The following MTR variants were observed in gnomAD, a reference collection of about 807,000 sequenced individuals.
The protein encoded by MTR is 5-methyltetrahydrofolate-homocysteine methyltransferase.
In MTR, 84 loss-of-function variants were observed where a neutral mutation model predicts 154.8. The observed-to-expected ratio is 0.54, with a 90% CI of 0.45 to 0.65. The LOEUF (loss-of-function observed/expected upper bound fraction) is 0.65, where lower values mean the gene tolerates loss of function less well. Among genes scored for constraint, MTR ranks in the 30% least tolerant of loss-of-function variants. The probability of loss-of-function intolerance (pLI) is 0.00; values close to 1 mark genes in which losing one functional copy is unlikely to be tolerated. For missense variants in MTR, 1,275 were observed against 1,570.2 expected (o/e 0.81, Z 3.18); for synonymous variants, 554 against 553.9 (o/e 1.00, Z 0.00).
chr1:236,842,784 G>GTATATATATATATA (rs60138451), intron 15 of MTR, among the ~76,000 whole-genome samples: 17 of 144,492 alleles, frequency 1.2e-4, no homozygotes, highest in Middle Eastern at 3.6e-3. Flanking sequence ...AAAAAAAGAT[G>GTATATATATATATA]TATATATATA....
chr1:236,812,818 A>G lies in MTR; in HGVS notation c.583A>G (p.Thr195Ala). 4 of 1,614,118 alleles carry G rather than the reference A, an allele frequency of 2.5e-6. No homozygotes were observed. The highest frequency in any genetic ancestry group is 2.5e-6 in the Non-Finnish European group (3 of 1,179,996). ...CGGGGTTGATATCTTACTCATTGAA[A>G]CTATTTTTGATACTGCCAATGCCAA... ...DGGVDILLIETIFDTANAKAA... is the reference protein window; with the variant it reads ...DGGVDILLIEAIFDTANAKAA... Residue 195 changes from threonine (T) to alanine (A), a missense_variant, in exon 6 of 33, where the codon ACT (threonine) becomes GCT (alanine). By Grantham distance (58) the Thr-to-Ala change is moderately conservative. Transcript: ENST00000366577.
At chr1:236,800,388 C>T in intron 1 of MTR, 1 of 985,380 alleles carries the variant, frequency 1.0e-6, no homozygotes. Flanking sequence ...GCTTATGATT[C>T]AGTCACCCAC....
At chr1:236,869,482 G>A (rs1665000358) in intron 22 of MTR, among the ~76,000 whole-genome samples, 1 of 152,210 alleles carries the variant, frequency 6.6e-6, no homozygotes, top group Non-Finnish European at 1.5e-5. Context: ...ACAGGCATGA[G>A]CCTCCATACC....
intron 15 of MTR, among the ~76,000 whole-genome samples, chr1:236,848,640 C>T (rs748640240): frequency 7.5e-4 from 114 of 152,154 alleles, no homozygotes; most frequent in Non-Finnish European, 3.4e-4. Flanking sequence ...AAGCTCGCCA[C>T]CTTCCCTAAA....
chr1:236,873,303 G>A (rs565629431), intron 22 of MTR, among the ~76,000 whole-genome samples: 1 of 152,298 alleles, frequency 6.6e-6, no homozygotes, highest in Non-Finnish European at 1.5e-5. Flanking sequence ...AGAAGAAGGG[G>A]TAGTTATTGC....
In MTR at chr1:236,853,093, A is replaced by C; in HGVS notation, c.1953+5A>C. 1 of 1,613,928 alleles carries C rather than the reference A, an allele frequency of 6.2e-7. No individual in the cohort carries two copies. Among genetic ancestry groups the C allele is most frequent in the Non-Finnish European group, 8.5e-7 (1 of 1,179,836 alleles). Reference sequence around the variant, plus strand: ...AAGCTCTTACGTTATGCCCAGGTAGAGAGACAAGTGTTCTAATAGATGGAT... The same window carrying C: ...AAGCTCTTACGTTATGCCCAGGTAGCGAGACAAGTGTTCTAATAGATGGAT... On this transcript the variant is annotated splice_donor_5th_base_variant and intron_variant, in intron 18 of 32. Transcript: ENST00000366577.
At position 236,810,587 on chromosome 1, in the gene MTR, G is replaced by A. The variant is rs777016424; in HGVS notation, c.494G>A (p.Arg165Lys). The part of the protein sequence containing the change: ...VSPSVERPDY[R>K]NITFDELVEA... Reference sequence around the variant, plus strand: ...CCATCTGTGGAAAGGCCGGATTATAGGAACATCAGTGAGTATTTACCACAT... The same window carrying A: ...CCATCTGTGGAAAGGCCGGATTATAAGAACATCAGTGAGTATTTACCACAT... Residue 165 changes from arginine (R) to lysine (K), a missense_variant, in exon 5 of 33, where the codon AGG (arginine) becomes AAG (lysine). Transcript: ENST00000366577. The A allele has an allele frequency of 1.9e-6, 3 of 1,612,800 alleles. No homozygotes were observed. In the South Asian group the frequency reaches 3.3e-5, roughly 18 times the overall value.
rs1666956782 is a variant in MTR, at chr1:236,902,394, A to G, written c.*4750A>G. On this transcript the variant is annotated 3_prime_UTR_variant, in exon 33 of 33. Coordinates refer to ENST00000366577, the MANE Select transcript of MTR (RefSeq NM_000254.3). ...CACATTTCATACAGCCCTTGCTGAA[A>G]CTTCATCTAGTTCTCTGTTAGACTT... 6.6e-6 allele frequency: 1 copy of G among 152,208 alleles called. No individual in the cohort carries two copies. The highest frequency in any genetic ancestry group is 2.4e-5 in the African/African-American group (1 of 41,446). The allele number at this position is 152,208 out of a possible 1,614,324, so 9.4% of individuals were successfully genotyped here.
At chr1:236,863,751 A>C (rs1572286784) in intron 22 of MTR, among the ~76,000 whole-genome samples, 197 bp downstream of exon 22, 1 of 152,206 alleles carries the variant, frequency 6.6e-6, no homozygotes. Context: ...GTTAGTAATT[A>C]TCCGTGTTCA....
intron 22 of MTR, among the ~76,000 whole-genome samples, chr1:236,868,940 A>G (rs1325614060): frequency 1.3e-5 from 2 of 152,188 alleles, no homozygotes; most frequent in Admixed American, 6.5e-5. Flanking sequence ...GAGATCAACA[A>G]TTTGTTTATT....
At chr1:236,845,338 A>G (rs150568140) in intron 15 of MTR, among the ~76,000 whole-genome samples, 1 of 152,360 alleles carries the variant, frequency 6.6e-6, no homozygotes, top group African/African-American at 2.4e-5. Context: ...TACAAATTAG[A>G]GCAGCATTAA....
chr1:236,812,476 G>A (rs996229656), intron 5 of MTR, among the ~76,000 whole-genome samples: 4 of 152,180 alleles, frequency 2.6e-5, no homozygotes, highest in Non-Finnish European at 4.4e-5. Context: ...AAATTCATAC[G>A]CCTTCCCTCT....
Position 236,796,082 on chromosome 1 carries a change from G to T in MTR, c.34+345G>T, listed in dbSNP as rs149233632. ...CTCTGGAAGTTTTTTTTTTTGCATGGTGTGACGCTTATTCGTAAATATGTA... is the reference window on the plus strand; with the variant it reads ...CTCTGGAAGTTTTTTTTTTTGCATGTTGTGACGCTTATTCGTAAATATGTA... On this transcript the variant is annotated intron_variant, in intron 1 of 32. Transcript: ENST00000366577. Among the ~76,000 whole-genome samples, 133 of 151,758 alleles carry T rather than the reference G, an allele frequency of 8.8e-4. 2 individuals are homozygous for T. In the East Asian group the frequency reaches 0.012, roughly 14 times the overall value.
At chr1:236,849,758 G>A (rs976874577) in intron 15 of MTR, among the ~76,000 whole-genome samples, 7 of 152,190 alleles carry the variant, frequency 4.6e-5, no homozygotes, top group Non-Finnish European at 1.0e-4. Context: ...TGAAGGTAAA[G>A]ACTAATTTGT....
Position 236,874,813 on chromosome 1 carries a change from T to C in MTR, c.2561T>C (p.Ile854Thr). The C allele has an allele frequency of 6.2e-7, 1 of 1,613,876 alleles. No individual in the cohort carries two copies. The highest frequency in any genetic ancestry group is 8.5e-7 in the Non-Finnish European group (1 of 1,179,876). ...AKEMERLAIR[I>T]PLLIGGATTS... ...GAAATGGAGAGATTAGCTATAAGGA[T>C]TCCATTGTTGATTGGAGGAGCAACC... The change falls in exon 24 of 33, where the codon ATT becomes ACT. Residue 854 changes from isoleucine (I) to threonine (T), a missense_variant. Physicochemically the swap from Ile to Thr is moderately conservative, Grantham distance 89. Coordinates refer to ENST00000366577, the MANE Select transcript of MTR (RefSeq NM_000254.3).
chr1:236,881,621 G>A (rs1279115475), intron 25 of MTR, among the ~76,000 whole-genome samples: 1 of 152,100 alleles, frequency 6.6e-6, no homozygotes, highest in Non-Finnish European at 1.5e-5. Flanking sequence ...TTGTGCAGGC[G>A]AGGAAGGTTA....
chr1:236,895,372 G>C lies in MTR; in HGVS notation c.3420G>C (p.Glu1140Asp). The C allele has an allele frequency of 6.3e-7, 1 of 1,599,664 alleles. No homozygotes were observed. ...TGGGTCCCAAGGCCTTTGCAGAAGA[G>C]CTCCATGAAAGAGTTCGCCGAGAAC... is the stretch of plus-strand genomic sequence containing the variant. ...GDRLAEAFAE[E>D]LHERVRRELW... Residue 1140 changes from glutamate to aspartate, a missense_variant, in exon 31 of 33, where the codon GAG becomes GAC. Glu to Asp is a conservative substitution (Grantham distance 45). Transcript: ENST00000366577.
In MTR at chr1:236,889,312, A is replaced by C; in HGVS notation, c.2983A>C (p.Lys995Gln). The change falls in exon 28 of 33, where the codon AAG becomes CAG. Residue 995 changes from lysine (K) to glutamine (Q), a missense_variant. Coordinates refer to ENST00000366577, the MANE Select transcript of MTR (RefSeq NM_000254.3). ...RGKYPNRGFP[K>Q]IFNDKTVGGE... is the part of the protein sequence containing the mutation. ...CAAGTACCCGAATCGAGGCTTTCCC[A>C]AGATATTTAACGACAAAACAGTAGG... 6.2e-7 allele frequency: 1 copy of C among 1,614,202 alleles called. No homozygotes were observed. Among genetic ancestry groups the C allele is most frequent in the Non-Finnish European group, 8.5e-7 (1 of 1,180,034 alleles).
At chr1:236,801,498 C>T (rs540539538) in intron 1 of MTR, among the ~76,000 whole-genome samples, 5 of 152,314 alleles carry the variant, frequency 3.3e-5, no homozygotes, top group Non-Finnish European at 5.9e-5. Flanking sequence ...GACAGTAAGA[C>T]GAGGCAGGGT....
Sources: allele counts gnomAD v4.1 joint callset (sites outside exome capture counted in the v4.1 genomes callset), GRCh38; gene constraint gnomAD v4.1.1; transcripts MANE v1.5; gene names NCBI Gene and HGNC (gene_info 2026-07-23, HGNC 2026-07-21).